The following EPHA7 variants were observed in gnomAD, a reference collection of about 807,000 sequenced individuals.
The protein encoded by EPHA7 is EPH receptor A7.
A neutral mutation model predicts 112.6 loss-of-function variants in EPHA7; 25 were observed. The ratio of observed to expected loss-of-function variants is 0.22; its 90% CI spans 0.16 to 0.31. EPHA7 has a LOEUF of 0.31. Among genes scored for constraint, EPHA7 ranks in the 10% least tolerant of loss-of-function variants. EPHA7 has a pLI of 1.00. For missense variants in EPHA7, 962 were observed against 1,212.6 expected, an observed-to-expected ratio of 0.79 and a Z score of 3.07; for synonymous variants, 437 against 406.5, an observed-to-expected ratio of 1.07 and a Z score of -0.90.
At chr6:93,296,920 C>T (rs1419233385) in intron 5 of EPHA7, among the ~76,000 whole-genome samples, 1 of 151,794 alleles carries the variant, frequency 6.6e-6, no homozygotes, top group East Asian at 1.9e-4. Context: ...GTTTGGATTC[C>T]TGCTAAATGA....
intron 5 of EPHA7, among the ~76,000 whole-genome samples, chr6:93,290,223 T>C (rs1002905906): frequency 6.6e-6 from 1 of 152,054 alleles, no homozygotes; most frequent in Non-Finnish European, 1.5e-5. Context: ...ATATGACATA[T>C]AAAATATGAA....
At chr6:93,305,193 T>C (rs1276375732) in intron 5 of EPHA7, among the ~76,000 whole-genome samples, 1 of 151,914 alleles carries the variant, frequency 6.6e-6, no homozygotes, top group Non-Finnish European at 1.5e-5. Flanking sequence ...ACTGAAAGTG[T>C]TCATGGAAGG....
At chr6:93,347,781 G>T (rs937760871) in intron 5 of EPHA7, among the ~76,000 whole-genome samples, 3 of 151,724 alleles carry the variant, frequency 2.0e-5, no homozygotes, top group African/African-American at 2.4e-5. Context: ...GTGTGTGGAG[G>T]AAAGTATACA....
chr6:93,266,864 CT>C (rs1303401447), intron 7 of EPHA7, among the ~76,000 whole-genome samples: 1 of 151,706 alleles, frequency 6.6e-6, no homozygotes, highest in African/African-American at 2.4e-5. Context: ...TCTGTGCCTC[CT>C]TAATTCTTAG....
chr6:93,376,632 C>T lies in EPHA7; in HGVS notation c.833-18221G>A, dbSNP rs377054243. ...TTATAAAATAACATTTAATGTCTTC[C>T]GTATCAATGTATTTGAACAAAAATA... On this transcript the variant is annotated intron_variant, in intron 3 of 16. Transcript: ENST00000369303. 4.6e-5 allele frequency among the ~76,000 whole-genome samples: 7 copies of T among 152,042 alleles called. No homozygotes were observed. In the South Asian group the frequency reaches 8.3e-4, roughly 18 times the overall value.
Position 93,338,925 on chromosome 6 carries a change from GCTATAT to G in EPHA7, c.1324+17786_1324+17791del, listed in dbSNP as rs1338019699. Among the ~76,000 whole-genome samples the G allele has an allele frequency of 1.1e-4, 16 of 149,028 alleles. No individual in the cohort carries two copies. In the Admixed American group the frequency reaches 1.1e-3, roughly 10 times the overall value. ...TCTATATTATATATCTCTCCTTATA[GCTATAT>G]CTATATGTACAGAGAGATAATCAAA... On this transcript the variant is annotated intron_variant, in intron 5 of 16. Transcript: ENST00000369303.
rs1019594790 is a variant in EPHA7, at chr6:93,369,032, G to A, written c.833-10621C>T. On this transcript the variant is annotated intron_variant, in intron 3 of 16. Coordinates refer to ENST00000369303, the MANE Select transcript of EPHA7 (RefSeq NM_004440.4). ...TTAAATGGATGCGTCAGGACAATGA[G>A]TGTATTCACTCAATCCTTAATTCTT... Among the ~76,000 whole-genome samples, 7 of 151,908 alleles carry A rather than the reference G, an allele frequency of 4.6e-5. No homozygotes were observed. In the South Asian group the frequency reaches 1.4e-3, roughly 31 times the overall value.
chr6:93,331,228 G>A (rs2127902805), intron 5 of EPHA7, among the ~76,000 whole-genome samples: 2 of 151,468 alleles, frequency 1.3e-5, no homozygotes, highest in South Asian at 4.2e-4. Flanking sequence ...AAGAAAAGAA[G>A]TAAACAGAGA....
At chr6:93,256,090 A>G in intron 12 of EPHA7, 53 bp from the exon 13 acceptor site, 1 of 1,502,470 alleles carries the variant, frequency 6.7e-7, no homozygotes, top group South Asian at 1.1e-5. Context: ...TAAAAGGGAC[A>G]AAAATCACCA....
chr6:93,389,428 T>C (rs1777793298), intron 3 of EPHA7, among the ~76,000 whole-genome samples: 1 of 152,046 alleles, frequency 6.6e-6, no homozygotes, highest in African/African-American at 2.4e-5. Context: ...ACGTGGTGGG[T>C]TCTGGACTGG....
chr6:93,337,431 T>C (rs552303840), intron 5 of EPHA7, among the ~76,000 whole-genome samples: 28 of 152,092 alleles, frequency 1.8e-4, no homozygotes, highest in Non-Finnish European at 3.7e-4. Flanking sequence ...AATTCTACCC[T>C]TAGAAAAAAA....
At position 93,350,735 on chromosome 6, in the gene EPHA7, C is replaced by T. The variant is rs190519982; in HGVS notation, c.1324+5982G>A. 9.2e-5 allele frequency among the ~76,000 whole-genome samples: 14 copies of T among 151,862 alleles called. 1 individual carries two copies. The highest frequency in any genetic ancestry group is 7.9e-4 in the Admixed American group (12 of 15,198). ...TTTGCACATTTTTTCCACAGTAACA[C>T]TAGGCAGGAATTTTTTTTTTTAACA... On this transcript the variant is annotated intron_variant, in intron 5 of 16. Transcript: ENST00000369303.
chr6:93,255,885 T>C lies in EPHA7; in HGVS notation c.2325A>G (p.Ser775=). 6.2e-7 allele frequency: 1 copy of C among 1,614,108 alleles called. No homozygotes were observed. Among genetic ancestry groups the C allele is most frequent in the African/African-American group, 1.3e-5 (1 of 75,040 alleles). Residue 775 remains serine, a synonymous_variant, in exon 13 of 17, where the codon TCA becomes TCG. Coordinates refer to ENST00000369303, the MANE Select transcript of EPHA7 (RefSeq NM_004440.4). The part of the protein sequence containing the change: ...LVNSNLVCKV[S]DFGLSRVIED... Reference sequence around the variant, plus strand: ...CTATAACTCGGGACAGGCCAAAATCTGACACTTTACAAACGAGATTGCTGT... The same window carrying C: ...CTATAACTCGGGACAGGCCAAAATCCGACACTTTACAAACGAGATTGCTGT...
intron 14 of EPHA7, among the ~76,000 whole-genome samples, chr6:93,252,799 C>T (rs2631560): frequency 0.65 from 98,039 of 151,418 alleles, 32,772 homozygotes; most frequent in South Asian, 0.83. Flanking sequence ...TTTTAGACCT[C>T]CTAAATAAAA....
chr6:93,419,274 T>C lies in EPHA7; in HGVS notation c.68A>G (p.His23Arg), dbSNP rs1373981234. 2 of 1,613,870 alleles carry C rather than the reference T, an allele frequency of 1.2e-6. No individual in the cohort carries two copies. The highest frequency in any genetic ancestry group is 2.7e-5 in the African/African-American group (2 of 74,936). Residue 23 changes from histidine (H) to arginine (R), a missense_variant, in exon 1 of 17, where the codon CAC becomes CGC. Physicochemically the swap from His to Arg is conservative, Grantham distance 29. Transcript: ENST00000369303. ...LCYIWLLRFA[H>R]TGEAQAAKEV... is the part of the protein sequence containing the mutation. ...CTTCGCAGCCTGCGCCTCCCCTGTG[T>C]GTGCAAAGCGGAGCAGCCAGATGTA...
chr6:93,258,095 C>G lies in EPHA7; in HGVS notation c.2110+4G>C, dbSNP rs368766488. The G allele has an allele frequency of 6.2e-7, 1 of 1,611,504 alleles. No individual in the cohort carries two copies. The highest frequency in any genetic ancestry group is 8.5e-7 in the Non-Finnish European group (1 of 1,178,480). On this transcript the variant is annotated splice_donor_region_variant and intron_variant, in intron 11 of 16. Transcript: ENST00000369303. ...GATAAAATAAAGATATAACCAATAT[C>G]TACCTCTTGTAACAACCCCTTCCAA...
intron 5 of EPHA7, among the ~76,000 whole-genome samples, chr6:93,278,248 T>C (rs1771563379): frequency 6.6e-6 from 1 of 152,072 alleles, no homozygotes; most frequent in Non-Finnish European, 1.5e-5. Context: ...AAACACATAC[T>C]AGGACTCCTC....
intron 5 of EPHA7, among the ~76,000 whole-genome samples, chr6:93,330,195 CAG>C (rs1478518104): frequency 6.6e-6 from 1 of 151,276 alleles, no homozygotes; most frequent in Non-Finnish European, 1.5e-5. Flanking sequence ...ATGAGGTACA[CAG>C]TGATATTTTG....
At chr6:93,359,878 T>G (rs9445093) in intron 3 of EPHA7, among the ~76,000 whole-genome samples, 28,399 of 86,320 alleles carry the variant, frequency 0.33, 2,970 homozygotes, top group East Asian at 0.47. Flanking sequence ...GAGAGAGAGA[T>G]AGATAGATAG....
Sources: allele counts gnomAD v4.1 joint callset (sites outside exome capture counted in the v4.1 genomes callset), GRCh38; gene constraint gnomAD v4.1.1; transcripts MANE v1.5; gene names NCBI Gene and HGNC (gene_info 2026-07-23, HGNC 2026-07-21).